Variants in GALNT13 observed in about 807,000 individuals in gnomAD.
The protein encoded by GALNT13 is UDP-GalNAc:polypeptide N-acetylgalactosaminyltransferase 13.
Under a neutral mutation model 64.2 loss-of-function variants are expected in GALNT13, and 28 were observed. The observed-to-expected ratio is 0.44, with a 90% CI of 0.32 to 0.60. The LOEUF (loss-of-function observed/expected upper bound fraction) is 0.60, where lower values mean the gene tolerates loss of function less well. GALNT13 is among the 20% of genes least tolerant of loss of function. The probability of loss-of-function intolerance (pLI) is 0.05; values close to 1 mark genes in which losing one functional copy is unlikely to be tolerated. For synonymous variants in GALNT13, 214 were observed against 224.6 expected (o/e 0.95, Z 0.42); for missense variants, 577 against 669.8 (o/e 0.86, Z 1.53).
chr2:153,619,278 G>A, the GALNT13 span, among the ~76,000 whole-genome samples: 1 of 151,834 alleles, frequency 6.6e-6, no homozygotes, highest in Non-Finnish European at 1.5e-5. Flanking sequence ...AACACTATTT[G>A]CTTAAACAAA....
At chr2:154,110,399 A>AGG in intron 3 of GALNT13, among the ~76,000 whole-genome samples, 1 of 137,484 alleles carries the variant, frequency 7.3e-6, no homozygotes, top group Non-Finnish European at 1.6e-5. Flanking sequence ...AGAGAGAGAG[A>AGG]GACAGAGAGA....
the GALNT13 span, among the ~76,000 whole-genome samples, chr2:153,531,255 G>A: frequency 4.6e-5 from 7 of 152,164 alleles, no homozygotes; most frequent in Non-Finnish European, 5.9e-5. Flanking sequence ...CATGATGTTG[G>A]CTATCTGCTC....
At chr2:153,384,248 A>G in the GALNT13 span, among the ~76,000 whole-genome samples, 2 of 152,052 alleles carry the variant, frequency 1.3e-5, no homozygotes. Context: ...GTGATTAATT[A>G]CCATGACCTA....
At chr2:153,491,019 A>C in the GALNT13 span, among the ~76,000 whole-genome samples, 1 of 152,102 alleles carries the variant, frequency 6.6e-6, no homozygotes, top group African/African-American at 2.4e-5. Flanking sequence ...TAGTATCGAT[A>C]TAATTTTATA....
intron 9 of GALNT13, 71 bp from the exon 10 acceptor site, chr2:154,395,920 A>C: frequency 3.0e-6 from 4 of 1,328,228 alleles, no homozygotes; most frequent in Non-Finnish European, 4.0e-6. Context: ...CTGATAGCAA[A>C]GTAAATGTAG....
At chr2:153,841,198 T>C in the GALNT13 span, among the ~76,000 whole-genome samples, 3 of 152,170 alleles carry the variant, frequency 2.0e-5, no homozygotes, top group Non-Finnish European at 4.4e-5. Context: ...TATTTTTCCT[T>C]CTATAGAGGA....
chr2:154,361,750 T>C (rs1186309761), intron 9 of GALNT13, among the ~76,000 whole-genome samples: 1 of 152,092 alleles, frequency 6.6e-6, no homozygotes, highest in African/African-American at 2.4e-5. Context: ...CCTTTGAATG[T>C]CAAAAACTAG....
At chr2:153,213,980 T>G in the GALNT13 span, among the ~76,000 whole-genome samples, 1 of 152,200 alleles carries the variant, frequency 6.6e-6, no homozygotes, top group Non-Finnish European at 1.5e-5. Context: ...GCCATTCTTA[T>G]GCAACCCCGA....
At chr2:154,236,249 A>T in intron 4 of GALNT13, 1 of 795,216 alleles carries the variant, frequency 1.3e-6, no homozygotes, top group Non-Finnish European at 1.6e-6. Flanking sequence ...ATATTTTAAA[A>T]TGTTGGCATA....
At chr2:153,343,528 T>C in the GALNT13 span, among the ~76,000 whole-genome samples, 3 of 151,496 alleles carry the variant, frequency 2.0e-5, no homozygotes, top group Non-Finnish European at 4.4e-5. Flanking sequence ...ATATGTTTAT[T>C]GTTAAAAACT....
intron 9 of GALNT13, among the ~76,000 whole-genome samples, chr2:154,345,394 A>G (rs1475313347): frequency 6.6e-6 from 1 of 152,040 alleles, no homozygotes; most frequent in Non-Finnish European, 1.5e-5. Context: ...GCCATAATCT[A>G]GGAAAGTTGT....
At chr2:153,767,715 A>T in the GALNT13 span, among the ~76,000 whole-genome samples, 1 of 151,186 alleles carries the variant, frequency 6.6e-6, no homozygotes, top group Non-Finnish European at 1.5e-5. Flanking sequence ...TGTTGAGCAT[A>T]TTTTTATATG....
At chr2:154,137,797 C>A (rs1450198370) in intron 3 of GALNT13, among the ~76,000 whole-genome samples, 1 of 151,946 alleles carries the variant, frequency 6.6e-6, no homozygotes, top group African/African-American at 2.4e-5. Context: ...GTCTTTTTAT[C>A]AGTTTACAGA....
the GALNT13 span, among the ~76,000 whole-genome samples, chr2:153,676,103 T>C: frequency 6.6e-6 from 1 of 151,940 alleles, no homozygotes; most frequent in East Asian, 1.9e-4. Context: ...CAACTAAGAT[T>C]GTAGACCATT....
At chr2:153,962,897 C>A (rs1441687691) in intron 3 of GALNT13, among the ~76,000 whole-genome samples, 1 of 152,138 alleles carries the variant, frequency 6.6e-6, no homozygotes, top group African/African-American at 2.4e-5. Context: ...TTGTACTACT[C>A]AGCATAAGTG....
At chr2:154,164,523 A>C (rs1245319116) in intron 4 of GALNT13, among the ~76,000 whole-genome samples, 1 of 152,148 alleles carries the variant, frequency 6.6e-6, no homozygotes, top group African/African-American at 2.4e-5. Context: ...CAACACACAC[A>C]AAATCTAAAC....
At chr2:153,681,221 T>TGATCATCATTAAGGTA in the GALNT13 span, among the ~76,000 whole-genome samples, 1 of 151,820 alleles carries the variant, frequency 6.6e-6, no homozygotes, top group Non-Finnish European at 1.5e-5. Flanking sequence ...TTGATGACAT[T>TGATCATCATTAAGGTA]TCCTTAACAT....
At chr2:153,283,889 C>T in the GALNT13 span, among the ~76,000 whole-genome samples, 1 of 152,178 alleles carries the variant, frequency 6.6e-6, no homozygotes, top group Admixed American at 6.5e-5. Flanking sequence ...GCTCAGTCTA[C>T]TGATCCATGC....
the GALNT13 span, among the ~76,000 whole-genome samples, chr2:153,546,037 C>T: frequency 6.6e-6 from 1 of 152,180 alleles, no homozygotes; most frequent in Admixed American, 6.5e-5. Context: ...TACTCTCTTC[C>T]TCATTCCCAC....
Sources: allele counts gnomAD v4.1 joint callset (sites outside exome capture counted in the v4.1 genomes callset), GRCh38; gene constraint gnomAD v4.1.1; transcripts MANE v1.5; gene names NCBI Gene and HGNC (gene_info 2026-07-23, HGNC 2026-07-21).